Variants in FAF1 observed in about 807,000 individuals in gnomAD.
FAF1 encodes Fas associated factor 1.
FAF1 carries 25 observed loss-of-function variants against 92.5 expected under a neutral mutation model. That is an observed-to-expected ratio of 0.27 (90% CI 0.20 to 0.38). The LOEUF is 0.38. FAF1 is among the 10% of genes least tolerant of loss of function. The pLI is 1.00. For synonymous variants in FAF1, 234 were observed against 273.2 expected (o/e 0.86, Z 1.42); for missense variants, 636 against 793.3 (o/e 0.80, Z 2.38).
intron 1 of FAF1, among the ~76,000 whole-genome samples, chr1:50,940,237 A>G (rs1210785752): frequency 6.6e-6 from 1 of 152,152 alleles, no homozygotes; most frequent in Non-Finnish European, 1.5e-5. Context: ...CTTAAAACCC[A>G]GTAAGTACAT....
intron 2 of FAF1, among the ~76,000 whole-genome samples, chr1:50,830,872 T>A (rs1644146573): frequency 1.3e-5 from 2 of 152,172 alleles, no homozygotes; most frequent in South Asian, 4.1e-4. Context: ...ACAGAATCTT[T>A]TTTGTAACCT....
chr1:50,542,258 G>C (rs1648792533), intron 13 of FAF1, among the ~76,000 whole-genome samples: 1 of 152,162 alleles, frequency 6.6e-6, no homozygotes, highest in Admixed American at 6.5e-5. Flanking sequence ...CTGTAGGGCT[G>C]ATGGACAGTA....
At chr1:50,656,720 G>GA (rs1271000008) in intron 7 of FAF1, among the ~76,000 whole-genome samples, 1 of 151,632 alleles carries the variant, frequency 6.6e-6, no homozygotes, top group African/African-American at 2.4e-5. Flanking sequence ...TTGTCTCTAT[G>GA]AAAAATACAA....
At chr1:50,791,961 C>G (rs1200897395) in intron 3 of FAF1, among the ~76,000 whole-genome samples, 1 of 152,204 alleles carries the variant, frequency 6.6e-6, no homozygotes, top group Non-Finnish European at 1.5e-5. Flanking sequence ...TCACTGCTAG[C>G]TCCTTGTCAA....
At position 50,817,781 on chromosome 1, in the gene FAF1, C is replaced by T. The variant is rs564921161; in HGVS notation, c.115-16104G>A. Among the ~76,000 whole-genome samples, 302 of 152,074 alleles carry T rather than the reference C, an allele frequency of 2.0e-3. 1 individual carries two copies. Among genetic ancestry groups the T allele is most frequent in the African/African-American group, 7.0e-3 (290 of 41,490 alleles). ...AGATTATAGTGTTGGTTGCATAACC[C>T]TGTGAATATATTTAAAGAGTACAAT... is the stretch of plus-strand genomic sequence containing the variant. On this transcript the variant is annotated intron_variant, in intron 2 of 18. Transcript: ENST00000396153.
At chr1:50,618,285 A>C (rs1467555300) in intron 8 of FAF1, among the ~76,000 whole-genome samples, 1 of 152,120 alleles carries the variant, frequency 6.6e-6, no homozygotes, top group Non-Finnish European at 1.5e-5. Flanking sequence ...TTAGAGCTAT[A>C]AACTTTCCTC....
intron 18 of FAF1, chr1:50,451,865 G>T: frequency 9.7e-7 from 1 of 1,034,806 alleles, no homozygotes; most frequent in Non-Finnish European, 1.2e-6. Context: ...GGACTGTTTA[G>T]TGAAGACACC....
intron 7 of FAF1, among the ~76,000 whole-genome samples, chr1:50,701,250 C>T (rs1218198245): frequency 6.6e-6 from 1 of 151,968 alleles, no homozygotes; most frequent in African/African-American, 2.4e-5. Flanking sequence ...ATTTATCTTG[C>T]AGTAAAAACA....
chr1:50,644,466 A>G (rs1197529826), intron 8 of FAF1, among the ~76,000 whole-genome samples: 1 of 152,204 alleles, frequency 6.6e-6, no homozygotes, highest in East Asian at 1.9e-4. Context: ...AGAGACTGGT[A>G]TTCAGCTAAA....
At chr1:50,451,423 T>C (rs1646292161) in intron 18 of FAF1, among the ~76,000 whole-genome samples, 1 of 152,178 alleles carries the variant, frequency 6.6e-6, no homozygotes, top group Admixed American at 6.5e-5. Context: ...ACTTTAAAAA[T>C]GAGGACAAGA....
chr1:50,474,920 A>C (rs1474168431), intron 18 of FAF1, among the ~76,000 whole-genome samples: 1 of 152,216 alleles, frequency 6.6e-6, no homozygotes, highest in Admixed American at 6.5e-5. Context: ...ACACATCTAT[A>C]TCTCTCTACT....
intron 18 of FAF1, chr1:50,452,212 A>T: frequency 8.0e-7 from 1 of 1,256,388 alleles, no homozygotes. Flanking sequence ...CATAATTTCA[A>T]GCAAATAAAA....
At chr1:50,508,855 C>A (rs1647094068) in intron 15 of FAF1, among the ~76,000 whole-genome samples, 1 of 152,184 alleles carries the variant, frequency 6.6e-6, no homozygotes, top group African/African-American at 2.4e-5. Context: ...CATGAGCCAC[C>A]ACACCCTGCT....
intron 4 of FAF1, among the ~76,000 whole-genome samples, chr1:50,772,817 T>C (rs1660820603): frequency 6.6e-6 from 1 of 152,162 alleles, no homozygotes; most frequent in South Asian, 2.1e-4. Flanking sequence ...AATTTACCTA[T>C]ATAACAAACC....
intron 1 of FAF1, among the ~76,000 whole-genome samples, chr1:50,929,009 T>C (rs1005899046): frequency 2.0e-5 from 3 of 147,838 alleles, no homozygotes; most frequent in Non-Finnish European, 4.5e-5. Flanking sequence ...GAGGCACAGG[T>C]TGCAGTGAGC....
intron 15 of FAF1, among the ~76,000 whole-genome samples, chr1:50,527,952 C>T (rs529765243): frequency 6.6e-6 from 1 of 151,146 alleles, no homozygotes; most frequent in South Asian, 2.1e-4. Context: ...CTCACTGCAG[C>T]CTTGACCTCT....
chr1:50,764,352 C>T (rs932827432), intron 4 of FAF1, among the ~76,000 whole-genome samples: 2 of 152,114 alleles, frequency 1.3e-5, no homozygotes, highest in Admixed American at 6.6e-5. Flanking sequence ...AATTGTTCAG[C>T]GTACTCAATC....
chr1:50,948,873 T>TTCACTCA (rs1212587923), intron 1 of FAF1, among the ~76,000 whole-genome samples: 15 of 152,260 alleles, frequency 9.9e-5, no homozygotes, highest in African/African-American at 3.6e-4. Flanking sequence ...TGAGCAAGAA[T>TTCACTCA]TCACTCATCA....
At chr1:50,456,659 T>C (rs924796688) in intron 18 of FAF1, among the ~76,000 whole-genome samples, 1 of 152,242 alleles carries the variant, frequency 6.6e-6, no homozygotes, top group Non-Finnish European at 1.5e-5. Context: ...GAGTGTTTAC[T>C]ACATGTAAGA....
Sources: gnomAD v4.1 joint callset for allele counts (sites outside exome capture counted in the v4.1 genomes callset) on GRCh38, gnomAD v4.1.1 for gene constraint, MANE v1.5 for transcripts, NCBI Gene and HGNC (gene_info 2026-07-23, HGNC 2026-07-21) for gene names.